CDHR5: variants seen among roughly 807,000 people sequenced by gnomAD.
CDHR5 encodes the protein cadherin related family member 5.
In CDHR5, 82 loss-of-function variants were observed where a neutral mutation model predicts 69.5. The observed-to-expected ratio is 1.18, with a 90% CI of 0.99 to 1.42. The LOEUF (loss-of-function observed/expected upper bound fraction) is 1.42, where lower values mean the gene tolerates loss of function less well. CDHR5 is among the 40% of genes most tolerant of loss of function. The pLI, the probability that CDHR5 is intolerant of heterozygous loss-of-function variation, is 0.00. For synonymous variants in CDHR5, 601 were observed against 510.2 expected (o/e 1.18, Z -2.40); for missense variants, 1,293 against 1,168.9 (o/e 1.11, Z -1.55).
rs1433142417 is a variant in CDHR5 at position 624,807 on chromosome 11, C to T, written c.85+11G>A. On this transcript the variant is annotated intron_variant, in intron 1 of 14. Coordinates refer to ENST00000397542, the MANE Select transcript of CDHR5 (RefSeq NM_021924.5). This position sits in a 1 kb window ranked among gnomAD's most constrained non-coding sequence, Gnocchi z 5.3. ...GCCGCCCGTGCCCCACCTACCCCTG[C>T]CCGCACATACACTGGGCCTGGGCCA... The T allele has an allele frequency of 7.5e-6, 12 of 1,609,370 alleles. No individual in the cohort carries two copies. The highest frequency in any genetic ancestry group is 1.7e-5 in the Admixed American group (1 of 59,042).
intron 12 of CDHR5, 59 bp downstream of exon 12, chr11:619,247 A>C: frequency 6.7e-7 from 1 of 1,482,956 alleles, no homozygotes; most frequent in Non-Finnish European, 9.3e-7. Flanking sequence ...GCGGGAAAGG[A>C]GCCACCGAAG....
rs768342805 is a variant in CDHR5, at chr11:617,779, G to A, written c.2119-9C>T. The A allele has an allele frequency of 9.0e-6, 13 of 1,449,288 alleles. No homozygotes were observed. Among genetic ancestry groups the A allele is most frequent in the South Asian group, 2.9e-5 (2 of 68,998 alleles). 89.8% of individuals were successfully genotyped at this position (1,449,288 alleles called of 1,614,324 possible). A position where few individuals can be genotyped will look rare whatever the true frequency, so the allele number is the denominator to read the frequency against. Reference sequence around the variant, plus strand: ...CCTTGGGGCTGGGGCTCCTGCAGGCGGGAGTCGAGGCGTCAGCGGGGTCCC... The same window carrying A: ...CCTTGGGGCTGGGGCTCCTGCAGGCAGGAGTCGAGGCGTCAGCGGGGTCCC... On this transcript the variant is annotated splice_polypyrimidine_tract_variant and intron_variant, in intron 14 of 14. Transcript: ENST00000397542.
rs573585009 is a variant in CDHR5, at chr11:621,735, G to C, written c.406-72C>G. On this transcript the variant is annotated intron_variant, in intron 4 of 14. Coordinates refer to ENST00000397542, the MANE Select transcript of CDHR5 (RefSeq NM_021924.5). This position sits in a 1 kb window ranked among gnomAD's most constrained non-coding sequence, Gnocchi z 4.4. Reference sequence around the variant, plus strand: ...GGACCCCCACTGTGGTTGAGCCCCCGGCCACCACTCACCTCCTGCCCTCAC... The same window carrying C: ...GGACCCCCACTGTGGTTGAGCCCCCCGCCACCACTCACCTCCTGCCCTCAC... The C allele has an allele frequency of 1.9e-6, 3 of 1,550,752 alleles. No homozygotes were observed. The highest frequency in any genetic ancestry group is 2.7e-5 in the African/African-American group (2 of 73,544).
rs370662777 is a variant in CDHR5, at chr11:619,619, G to A, written c.1180-32C>T. The A allele has an allele frequency of 2.5e-6, 4 of 1,607,488 alleles. No homozygotes were observed. The African/African-American group carries it at 4.0e-5, about 16-fold the overall frequency. Reference sequence around the variant, plus strand: ...AGGGTCTCATTGAGTCCCCGGCCAGGCTGCCTCCCACGTACAGCCCTGACC... The same window carrying A: ...AGGGTCTCATTGAGTCCCCGGCCAGACTGCCTCCCACGTACAGCCCTGACC... On this transcript the variant is annotated intron_variant, in intron 10 of 14. Coordinates refer to ENST00000397542, the MANE Select transcript of CDHR5 (RefSeq NM_021924.5).
rs1347454186 is a variant in CDHR5, at chr11:619,833, C to T, written c.1027G>A (p.Glu343Lys). Reference protein sequence around the residue: ...ARYSVTQVTVEAVAAAGSPPR... With the variant: ...ARYSVTQVTVKAVAAAGSPPR... ...GGGCTCCCGGCCGCAGCCACAGCCT[C>T]CACGGTGACCTGGGTCACTGAGTAG... Residue 343 changes from glutamate to lysine, a missense_variant, in exon 10 of 15, where the codon GAG becomes AAG. Coordinates refer to ENST00000397542, the MANE Select transcript of CDHR5 (RefSeq NM_021924.5). 5.7e-6 allele frequency: 9 copies of T among 1,569,758 alleles called. No homozygotes were observed. The highest frequency in any genetic ancestry group is 4.6e-5 in the South Asian group (4 of 86,798).
chr11:620,444 T>C, intron 7 of CDHR5, 58 bp from the exon 8 acceptor site: 1 of 1,236,208 alleles, frequency 8.1e-7, no homozygotes, highest in Non-Finnish European at 1.1e-6. Context: ...GGCCCCAGCC[T>C]GGCCCCTCTG....
intron 9 of CDHR5, 75 bp downstream of exon 9, chr11:619,988 GGCCC>G: frequency 8.1e-7 from 1 of 1,236,356 alleles, no homozygotes; most frequent in Non-Finnish European, 1.1e-6. Context: ...GCCCTGCCCC[GGCCC>G]CCCAGCCCTG....
chr11:617,730 G>T lies in CDHR5; in HGVS notation c.2159C>A (p.Pro720His). ...GGGCGCCCAGTTGGCCTTGTGGTCA[G>T]GGAGGAACGCCTGGTTGTCAAAGCC... The part of the protein sequence containing the change: ...PQGFDNQAFL[P>H]DHKANWAPVP... Residue 720 changes from proline to histidine, a missense_variant, in exon 15 of 15, where the codon CCT (proline) becomes CAT (histidine). Transcript: ENST00000397542. 1 of 1,460,516 alleles carries T rather than the reference G, an allele frequency of 6.8e-7. No individual in the cohort carries two copies. The highest frequency in any genetic ancestry group is 9.0e-7 in the Non-Finnish European group (1 of 1,114,408). 90.5% of individuals were successfully genotyped at this position (1,460,516 alleles called of 1,614,324 possible).
chr11:617,909 A>G (rs1352763874), intron 14 of CDHR5, 45 bp downstream of exon 14: 2 of 1,577,658 alleles, frequency 1.3e-6, no homozygotes, highest in Non-Finnish European at 1.7e-6. Flanking sequence ...CCCGTCCCCC[A>G]CTTCCTGCCT....
Position 618,092 on chromosome 11 carries a change from GTCC to G in CDHR5, c.1977_1979del (p.Glu659del), listed in dbSNP as rs946797553. 6.2e-7 allele frequency: 1 copy of G among 1,610,300 alleles called. No homozygotes were observed. Among genetic ancestry groups the G allele is most frequent in the African/African-American group, 1.3e-5 (1 of 74,770 alleles). The stretch of plus-strand genomic sequence containing the variant: ...CCATATCCACCACCGAGAAGCGCTT[GTCC>G]TCCGAGGGGCCGCCACCTGGCATCG... On this transcript the variant is annotated inframe_deletion, in exon 14 of 15. Coordinates refer to ENST00000397542, the MANE Select transcript of CDHR5 (RefSeq NM_021924.5).
rs1211824413 is a variant in CDHR5 at position 624,595 on chromosome 11, C to T, written c.223G>A (p.Gly75Arg). The T allele has an allele frequency of 2.5e-6, 4 of 1,610,522 alleles. No homozygotes were observed. The highest frequency in any genetic ancestry group is 3.3e-5 in the Admixed American group (2 of 59,862). ...GTCACGTTGAGAAACAGCTGGTTTC[C>T]CTGGATCCGAAATGCAAAGGGGGTG... is the stretch of plus-strand genomic sequence containing the variant. ...LSTPFAFRIQ[G>R]NQLFLNVTPD... is the part of the protein sequence containing the mutation. The change falls in exon 2 of 15, where the codon GGA (glycine) becomes AGA (arginine). Residue 75 changes from glycine (G) to arginine (R), a missense_variant. Gly to Arg is a moderately radical substitution (Grantham distance 125). Transcript: ENST00000397542. The surrounding 1 kb of genome is among the most constrained non-coding windows in gnomAD (Gnocchi z 5.3).
rs1394499926 is a variant in CDHR5, at chr11:618,059, C to T, written c.2013G>A (p.Leu671=). 2.5e-6 allele frequency: 4 copies of T among 1,610,250 alleles called. No homozygotes were observed. Among genetic ancestry groups the T allele is most frequent in the South Asian group, 2.2e-5 (2 of 90,892 alleles). Residue 671 remains leucine, a synonymous_variant, in exon 14 of 15, where the codon CTG becomes CTA. Transcript: ENST00000397542. ...GCAGCAGCGCACCCAGCACCCCGCC[C>T]AGGGCCGCCATATCCACCACCGAGA... ...KRFSVVDMAA[L]GGVLGALLLL...
Position 617,458 on chromosome 11 carries a change from G to T in CDHR5, c.2431C>A (p.Leu811Met). Residue 811 changes from leucine to methionine, a missense_variant, in exon 15 of 15, where the codon CTG (leucine) becomes ATG (methionine). Leu to Met is a conservative substitution (Grantham distance 15). Coordinates refer to ENST00000397542, the MANE Select transcript of CDHR5 (RefSeq NM_021924.5). ...GAGTCACTGGCGCCATCCACGTCCA[G>T]GGTGGGCGCGTTGAGAACGACCACG... ...ADVVVLNAPTLDVDGASDSGS... is the reference protein window; with the variant it reads ...ADVVVLNAPTMDVDGASDSGS... 5.0e-6 allele frequency: 8 copies of T among 1,612,586 alleles called. No individual in the cohort carries two copies. Among genetic ancestry groups the T allele is most frequent in the Non-Finnish European group, 2.5e-6 (3 of 1,179,744 alleles).
intron 7 of CDHR5, 97 bp downstream of exon 7, chr11:620,983 A>AACCCCCCCC: frequency 1.9e-6 from 1 of 537,002 alleles, no homozygotes; most frequent in Non-Finnish European, 3.2e-6. Flanking sequence ...CCACCCCCTG[A>AACCCCCCCC]CCCCGACCCC....
chr11:618,576 G>A (rs1857129178), intron 13 of CDHR5, 23 bp downstream of exon 13: 2 of 1,612,604 alleles, frequency 1.2e-6, no homozygotes, highest in Non-Finnish European at 1.7e-6. Context: ...GTCAGGGAGG[G>A]AAGGCAACAG....
In CDHR5 at chr11:617,117, C is replaced by A; in HGVS notation, c.*234G>T. The A allele has an allele frequency of 3.6e-6, 2 of 555,204 alleles. No homozygotes were observed. Among genetic ancestry groups the A allele is most frequent in the South Asian group, 2.5e-5 (1 of 40,792 alleles). 34.4% of individuals were successfully genotyped at this position (555,204 alleles called of 1,614,324 possible). ...CACTGCAGGTGGTTTACGGGAAGTG[C>A]TGCAGCCTTGGGGTGGGGACAGCGT... On this transcript the variant is annotated 3_prime_UTR_variant, in exon 15 of 15. Coordinates refer to ENST00000397542, the MANE Select transcript of CDHR5 (RefSeq NM_021924.5).
Position 624,580 on chromosome 11 carries a change from G to T in CDHR5, c.238C>A (p.Leu80Ile), listed in dbSNP as rs534894003. 6.2e-7 allele frequency: 1 copy of T among 1,608,420 alleles called. No individual in the cohort carries two copies. The highest frequency in any genetic ancestry group is 2.2e-5 in the East Asian group (1 of 44,772). Residue 80 changes from leucine (L) to isoleucine (I), a missense_variant, in exon 2 of 15, where the codon CTC (leucine) becomes ATC (isoleucine). By Grantham distance (5) the Leu-to-Ile change is conservative (BLOSUM62 2). Coordinates refer to ENST00000397542, the MANE Select transcript of CDHR5 (RefSeq NM_021924.5). The surrounding 1 kb of genome is among the most constrained non-coding windows in gnomAD (Gnocchi z 5.3). ...ACCTCGTAATCAGGAGTCACGTTGA[G>T]AAACAGCTGGTTTCCCTGGATCCGA... Reference protein sequence around the residue: ...AFRIQGNQLFLNVTPDYEEKS... With the variant: ...AFRIQGNQLFINVTPDYEEKS...
At chr11:617,828 GCACACCCT>G (rs1857054848) in intron 14 of CDHR5, 58 bp from the exon 15 acceptor site, 3 of 1,468,804 alleles carry the variant, frequency 2.0e-6, no homozygotes, top group Non-Finnish European at 2.7e-6. Context: ...CCTTGGCCCT[GCACACCCT>G]CATTCCACGC....
At position 618,906 on chromosome 11, in the gene CDHR5, C is replaced by A. The variant is rs1187603315; in HGVS notation, c.1653G>T (p.Met551Ile). Reference protein sequence around the residue: ...QTPKPGTSQPMPPGVGTSTSH... With the variant: ...QTPKPGTSQPIPPGVGTSTSH... ...AGGTGCTGGTTCCCACACCGGGGGG[C>A]ATCGGCTGAGAGGTTCCTGGCTTTG... The change falls in exon 13 of 15, where the codon ATG becomes ATT. Residue 551 changes from methionine (M) to isoleucine (I), a missense_variant. Met to Ile is a conservative substitution (Grantham distance 10). Transcript: ENST00000397542. The A allele has an allele frequency of 1.2e-6, 2 of 1,609,194 alleles. No homozygotes were observed. Among genetic ancestry groups the A allele is most frequent in the East Asian group, 2.3e-5 (1 of 44,266 alleles).
Sources: gnomAD v4.1 joint callset for allele counts on GRCh38, gnomAD v4.1.1 for gene constraint, Gnocchi (gnomAD v3.1) non-coding constraint, MANE v1.5 for transcripts, NCBI Gene and HGNC (gene_info 2026-07-23, HGNC 2026-07-21) for gene names.